Variants in TRPM7 observed in about 807,000 individuals in gnomAD.
TRPM7 encodes the protein LTRPC ion channel family member 7.
A neutral mutation model predicts 229.7 loss-of-function variants in TRPM7; 134 were observed. The observed-to-expected ratio is 0.58, with a 90% CI of 0.51 to 0.67. The LOEUF (loss-of-function observed/expected upper bound fraction) is 0.67. Among genes scored for constraint, TRPM7 ranks in the 30% least tolerant of loss-of-function variants. The pLI, the probability that TRPM7 is intolerant of heterozygous loss-of-function variation, is 0.00. For missense variants in TRPM7, 1,901 were observed against 2,210.0 expected (o/e 0.86, Z 2.80); for synonymous variants, 699 against 715.2 (o/e 0.98, Z 0.36).
Position 50,575,108 on chromosome 15 carries a change from T to A in TRPM7, c.4763A>T (p.Glu1588Val). The A allele has an allele frequency of 6.2e-7, 1 of 1,612,250 alleles. No homozygotes were observed. ...ATTTAGTATGTTGGGTGAACTCTCT[T>A]CCAAACGATACACTGTGACAGGCTC... ...RGEPVTVYRL[E>V]ESSPNILNNS... The change falls in exon 34 of 39, where the codon GAA becomes GTA. Residue 1588 changes from glutamate (E) to valine (V), a missense_variant. Transcript: ENST00000646667.
intron 11 of TRPM7, among the ~76,000 whole-genome samples, chr15:50,627,706 T>G (rs766093703): frequency 4.6e-5 from 7 of 152,142 alleles, no homozygotes; most frequent in Non-Finnish European, 8.8e-5. Flanking sequence ...ATTTTGAAAC[T>G]AGATCTGACA....
chr15:50,620,308 C>T (rs369297095), intron 12 of TRPM7, among the ~76,000 whole-genome samples: 1 of 141,256 alleles, frequency 7.1e-6, no homozygotes, highest in Non-Finnish European at 1.6e-5. Flanking sequence ...CAATTTTTTT[C>T]AATTTTTTTT....
At position 50,604,987 on chromosome 15, in the gene TRPM7, T is replaced by C. The variant is rs2059883649; in HGVS notation, c.2867A>G (p.His956Arg). 2 of 1,613,946 alleles carry C rather than the reference T, an allele frequency of 1.2e-6. No homozygotes were observed. The highest frequency in any genetic ancestry group is 8.5e-7 in the Non-Finnish European group (1 of 1,179,932). The change falls in exon 21 of 39, where the codon CAT becomes CGT. Residue 956 changes from histidine (H) to arginine (R), a missense_variant. By Grantham distance (29) the His-to-Arg change is conservative. Coordinates refer to ENST00000646667, the MANE Select transcript of TRPM7 (RefSeq NM_017672.6). The part of the protein sequence containing the change: ...KWNFANAYDN[H>R]VFVAGRLIYC... ...AATTAATCTTCCAGCCACAAAAACATGATTATCATATGCATTTGCAAAGTT... is the reference window on the plus strand; with the variant it reads ...AATTAATCTTCCAGCCACAAAAACACGATTATCATATGCATTTGCAAAGTT...
At chr15:50,569,822 T>C (rs1481710776) in intron 38 of TRPM7, 65 bp downstream of exon 38, 3 of 979,090 alleles carry the variant, frequency 3.1e-6, no homozygotes, top group African/African-American at 3.3e-5. Flanking sequence ...TCTGGCCTTA[T>C]GAGGTATTGT....
intron 1 of TRPM7, among the ~76,000 whole-genome samples, chr15:50,666,183 C>A (rs2061875045): frequency 6.6e-6 from 1 of 151,790 alleles, no homozygotes; most frequent in Admixed American, 6.6e-5. Context: ...ATTGGTAAAC[C>A]TTTATCAAGA....
chr15:50,672,518 G>C (rs2062011383), intron 1 of TRPM7, among the ~76,000 whole-genome samples: 1 of 152,082 alleles, frequency 6.6e-6, no homozygotes, highest in African/African-American at 2.4e-5. Flanking sequence ...CAATTCTACT[G>C]ATGATCCTGA....
chr15:50,683,371 T>G (rs1419118724), intron 1 of TRPM7, among the ~76,000 whole-genome samples: 1 of 151,458 alleles, frequency 6.6e-6, no homozygotes, highest in Non-Finnish European at 1.5e-5. Context: ...GAATAACATA[T>G]GGGGAACTTC....
chr15:50,624,401 A>T, intron 11 of TRPM7, 101 bp from the exon 12 acceptor site: 2 of 1,056,320 alleles, frequency 1.9e-6, no homozygotes, highest in Non-Finnish European at 2.6e-6. Context: ...TTTGTTCCCA[A>T]CAGTTTTAGA....
At chr15:50,603,562 G>A (rs1428993222) in intron 21 of TRPM7, among the ~76,000 whole-genome samples, 2 of 151,804 alleles carry the variant, frequency 1.3e-5, no homozygotes, top group Non-Finnish European at 2.9e-5. Flanking sequence ...AACATGCGGT[G>A]TTTGGTTTTC....
chr15:50,585,343 G>GT (rs1209082759), intron 28 of TRPM7, among the ~76,000 whole-genome samples: 3 of 152,194 alleles, frequency 2.0e-5, no homozygotes, highest in Non-Finnish European at 4.4e-5. Flanking sequence ...GATTACAGGC[G>GT]TAAGCCACCT....
At chr15:50,642,504 A>C (rs143986432) in intron 5 of TRPM7, among the ~76,000 whole-genome samples, 1 of 152,268 alleles carries the variant, frequency 6.6e-6, no homozygotes. Context: ...GGTTTCCCCA[A>C]TGCTGTTCTG....
chr15:50,609,528 C>T, intron 19 of TRPM7, 53 bp downstream of exon 19: 2 of 1,509,608 alleles, frequency 1.3e-6, no homozygotes, highest in Non-Finnish European at 1.8e-6. Flanking sequence ...AACCAATGGT[C>T]CCCCAAAGCC....
At chr15:50,585,319 T>G (rs907663921) in intron 28 of TRPM7, among the ~76,000 whole-genome samples, 1 of 152,192 alleles carries the variant, frequency 6.6e-6, no homozygotes, top group African/African-American at 2.4e-5. Flanking sequence ...TGCCTCGGCC[T>G]CCCAAAGTGC....
At chr15:50,596,719 C>T (rs954754150) in intron 22 of TRPM7, among the ~76,000 whole-genome samples, 1 of 152,190 alleles carries the variant, frequency 6.6e-6, no homozygotes, top group African/African-American at 2.4e-5. Context: ...CTGGATCAAC[C>T]ATATGATAAT....
At chr15:50,631,870 T>A (rs78947784) in intron 9 of TRPM7, among the ~76,000 whole-genome samples, 5,336 of 152,312 alleles carry the variant, frequency 0.035, 316 homozygotes, top group African/African-American at 0.12. Context: ...TTCCACAGAA[T>A]GAACATTTAC....
chr15:50,596,497 T>A, intron 22 of TRPM7, 116 bp from the exon 23 acceptor site: 1 of 845,746 alleles, frequency 1.2e-6, no homozygotes, highest in Non-Finnish European at 1.7e-6. Context: ...TTCGATTATG[T>A]ACAAATCTGT....
At chr15:50,657,048 G>A (rs1475294441) in intron 3 of TRPM7, among the ~76,000 whole-genome samples, 1 of 152,160 alleles carries the variant, frequency 6.6e-6, no homozygotes, top group East Asian at 1.9e-4. Context: ...AATCAGCCGG[G>A]CCTGGTGGCT....
chr15:50,603,188 G>A (rs1166184674), intron 21 of TRPM7, among the ~76,000 whole-genome samples: 1 of 152,154 alleles, frequency 6.6e-6, no homozygotes, highest in East Asian at 1.9e-4. Flanking sequence ...GAGGGAAACA[G>A]TGCAGCGTGA....
rs868664667 is a variant in TRPM7, at chr15:50,581,342, T to C, written c.4558-434A>G. Among the ~76,000 whole-genome samples, 4 of 151,800 alleles carry C rather than the reference T, an allele frequency of 2.6e-5. No individual in the cohort carries two copies. The South Asian group carries it at 8.3e-4, about 32-fold the overall frequency. ...GGTGAAACCTCGTCTCTACTAAAAA[T>C]ACAAAAATTAGCTGGGCGTGGTGGC... On this transcript the variant is annotated intron_variant, in intron 29 of 38. Coordinates refer to ENST00000646667, the MANE Select transcript of TRPM7 (RefSeq NM_017672.6).
Sources: allele counts gnomAD v4.1 joint callset (sites outside exome capture counted in the v4.1 genomes callset), GRCh38; gene constraint gnomAD v4.1.1; transcripts MANE v1.5; gene names NCBI Gene and HGNC (gene_info 2026-07-23, HGNC 2026-07-21).